Variants in GOLGB1 observed in about 807,000 individuals in gnomAD.
The protein encoded by GOLGB1 is golgin B1.
GOLGB1 carries 174 observed loss-of-function variants against 336.9 expected under a neutral mutation model. The ratio of observed to expected loss-of-function variants is 0.52; its 90% CI spans 0.46 to 0.59. The LOEUF is 0.59. GOLGB1 is among the 20% of genes least tolerant of loss of function. The probability of loss-of-function intolerance (pLI) is 0.00; values close to 1 mark genes in which losing one functional copy is unlikely to be tolerated. For missense variants in GOLGB1, 3,331 were observed against 3,645.3 expected, an observed-to-expected ratio of 0.91 and a Z score of 2.22; for synonymous variants, 1,208 against 1,289.2, an observed-to-expected ratio of 0.94 and a Z score of 1.35.
chr3:121,672,181 T>C (rs901008372), intron 17 of GOLGB1, among the ~76,000 whole-genome samples: 4 of 152,228 alleles, frequency 2.6e-5, no homozygotes, highest in African/African-American at 9.6e-5. Context: ...GGTAGTTCTA[T>C]TTTTAGCTTT....
intron 10 of GOLGB1, among the ~76,000 whole-genome samples, chr3:121,706,005 A>C (rs528126803): frequency 2.0e-5 from 3 of 152,258 alleles, no homozygotes; most frequent in Admixed American, 1.3e-4. Context: ...CGCATAAAAA[A>C]AGCTCCAAAA....
chr3:121,715,128 G>T, intron 9 of GOLGB1, 152 bp from the exon 10 acceptor site: 1 of 527,842 alleles, frequency 1.9e-6, no homozygotes, highest in Non-Finnish European at 3.4e-6. Context: ...TTAGCTAAAT[G>T]TTAAATGTTC....
chr3:121,678,109 C>G (rs1032238756), intron 15 of GOLGB1, among the ~76,000 whole-genome samples: 2 of 152,130 alleles, frequency 1.3e-5, no homozygotes, highest in African/African-American at 4.8e-5. Context: ...TTTTTACTTG[C>G]TCTGCAATCA....
Position 121,729,229 on chromosome 3 carries a change from C to A in GOLGB1, c.361G>T (p.Val121Phe), listed in dbSNP as rs1945895824. The A allele has an allele frequency of 1.2e-6, 2 of 1,612,812 alleles. No homozygotes were observed. Among genetic ancestry groups the A allele is most frequent in the Admixed American group, 3.3e-5 (2 of 59,926 alleles). ...TCTGACTGAGGTTCTGTAGGCAGAA[C>A]AGTCCCTCCTTGTGCTTTCATTTCT... ...IEEMKAQGGT[V>F]LPTEPQSEEQ... Residue 121 changes from valine to phenylalanine, a missense_variant, in exon 4 of 22, where the codon GTT becomes TTT. By Grantham distance (50) the Val-to-Phe change is conservative. Transcript: ENST00000614479.
intron 10 of GOLGB1, among the ~76,000 whole-genome samples, chr3:121,707,900 C>T (rs1262130196): frequency 6.6e-6 from 1 of 152,178 alleles, no homozygotes; most frequent in Non-Finnish European, 1.5e-5. Context: ...CTCTGATCTA[C>T]AAACGAAGAA....
intron 21 of GOLGB1, 71 bp downstream of exon 21, chr3:121,664,855 G>A (rs1938375301): frequency 3.2e-6 from 3 of 948,238 alleles, no homozygotes; most frequent in East Asian, 4.9e-5. Flanking sequence ...CTTCTCCTCA[G>A]CTCCTTGCCC....
At chr3:121,704,137 A>G (rs1203237520) in intron 10 of GOLGB1, among the ~76,000 whole-genome samples, 1 of 152,138 alleles carries the variant, frequency 6.6e-6, no homozygotes, top group African/African-American at 2.4e-5. Context: ...GAAAAAAAAA[A>G]TGAATACAAC....
At chr3:121,669,659 T>C in intron 17 of GOLGB1, among the ~76,000 whole-genome samples, 1 of 152,138 alleles carries the variant, frequency 6.6e-6, no homozygotes, top group Non-Finnish European at 1.5e-5. Context: ...TCTAATTACA[T>C]AGGCTATTCT....
intron 4 of GOLGB1, among the ~76,000 whole-genome samples, chr3:121,727,291 CACATATATATATATATAT>C (rs1324104889): frequency 3.7e-4 from 19 of 51,156 alleles, no homozygotes; most frequent in Non-Finnish European, 5.4e-4. Context: ...TACACACACA[CACATATATATATATATAT>C]ATATATATAT....
chr3:121,687,529 A>G (rs1242744250), intron 14 of GOLGB1, among the ~76,000 whole-genome samples: 1 of 152,194 alleles, frequency 6.6e-6, no homozygotes, highest in Non-Finnish European at 1.5e-5. Context: ...CTTGAGGCAC[A>G]CTGTGAATAA....
chr3:121,671,075 G>A (rs1363080921), intron 17 of GOLGB1, among the ~76,000 whole-genome samples: 1 of 152,120 alleles, frequency 6.6e-6, no homozygotes, highest in African/African-American at 2.4e-5. Context: ...TATTGTCTAT[G>A]GCTGCGTTTG....
intron 9 of GOLGB1, among the ~76,000 whole-genome samples, chr3:121,715,257 G>A (rs1944667091): frequency 6.7e-6 from 1 of 149,284 alleles, no homozygotes; most frequent in South Asian, 2.1e-4. Context: ...AAGCTGGAGT[G>A]CAGTGGTGCG....
chr3:121,674,996 C>T (rs949169645), intron 17 of GOLGB1, among the ~76,000 whole-genome samples: 7 of 151,508 alleles, frequency 4.6e-5, no homozygotes, highest in East Asian at 1.9e-4. Context: ...CCACCGCGCC[C>T]GGCTAATTTT....
intron 1 of GOLGB1, among the ~76,000 whole-genome samples, chr3:121,742,664 C>G (rs1339810118): frequency 6.6e-6 from 1 of 152,098 alleles, no homozygotes; most frequent in Non-Finnish European, 1.5e-5. Flanking sequence ...AAGAAACTAC[C>G]ATCAGAGTGA....
At chr3:121,733,766 T>C (rs1576465469) in intron 1 of GOLGB1, among the ~76,000 whole-genome samples, 1 of 152,198 alleles carries the variant, frequency 6.6e-6, no homozygotes, top group Non-Finnish European at 1.5e-5. Flanking sequence ...TCGAGTCAAC[T>C]GATTTTTAAC....
chr3:121,711,496 C>G (rs975091760), intron 10 of GOLGB1, among the ~76,000 whole-genome samples: 1 of 152,052 alleles, frequency 6.6e-6, no homozygotes, highest in Admixed American at 6.6e-5. Flanking sequence ...CTCACCACTT[C>G]TATTAAACAG....
Position 121,673,073 on chromosome 3 carries a change from GT to G in GOLGB1, c.9178-3719del, listed in dbSNP as rs368721459. ...GTTTTGTGTGTTTTTTTGTTTTTTG[GT>G]TTTTTTTTTTTTTGAGACGGAGTCT... On this transcript the variant is annotated intron_variant, in intron 17 of 21. Transcript: ENST00000614479. Among the ~76,000 whole-genome samples the G allele has an allele frequency of 6.3e-3, 888 of 140,932 alleles. 6 individuals carry two copies. The highest frequency in any genetic ancestry group is 0.021 in the African/African-American group (795 of 38,622). 92.5% of individuals were successfully genotyped at this position (140,932 alleles called of 152,430 possible). A position where few individuals can be genotyped will look rare whatever the true frequency, so the allele number is the denominator to read the frequency against.
chr3:121,699,691 C>T (rs1943231494), intron 12 of GOLGB1, 121 bp downstream of exon 12: 2 of 530,156 alleles, frequency 3.8e-6, no homozygotes, highest in African/African-American at 3.8e-5. Context: ...TTTAATAGAT[C>T]TTACTCTATA....
rs1033192676 is a variant in GOLGB1, at chr3:121,714,792, T to C, written c.1404+69A>G. The C allele has an allele frequency of 1.4e-5, 14 of 990,976 alleles. No homozygotes were observed. The African/African-American group carries it at 2.1e-4, about 15-fold the overall frequency. 61.4% of individuals were successfully genotyped at this position (990,976 alleles called of 1,614,324 possible). A position where few individuals can be genotyped will look rare whatever the true frequency, so the allele number is the denominator to read the frequency against. On this transcript the variant is annotated intron_variant, in intron 10 of 21. Coordinates refer to ENST00000614479, the MANE Select transcript of GOLGB1 (RefSeq NM_001366282.2). The stretch of plus-strand genomic sequence containing the variant: ...ATAGCTCTCTGGAATAAATCCTCAT[T>C]AGAGCACCGAAGTACAGATACAGCA...
Sources: gnomAD v4.1 joint callset for allele counts (sites outside exome capture counted in the v4.1 genomes callset) on GRCh38, gnomAD v4.1.1 for gene constraint, MANE v1.5 for transcripts, NCBI Gene and HGNC (gene_info 2026-07-23, HGNC 2026-07-21) for gene names.